Variants in CNTNAP2 observed in about 807,000 individuals in gnomAD.
CNTNAP2 encodes the protein contactin-associated protein-like 2.
CNTNAP2 carries 98 observed loss-of-function variants against 155.2 expected under a neutral mutation model. The observed-to-expected ratio is 0.63, with a 90% CI of 0.54 to 0.75. CNTNAP2 has a LOEUF of 0.75. Among genes scored for constraint, CNTNAP2 ranks in the 30% least tolerant of loss-of-function variants. The probability of loss-of-function intolerance (pLI) is 0.00; values close to 1 mark genes in which losing one functional copy is unlikely to be tolerated. For synonymous variants in CNTNAP2, 651 were observed against 631.2 expected (o/e 1.03, Z -0.47); for missense variants, 1,727 against 1,688.1 (o/e 1.02, Z -0.40).
chr7:147,681,219 T>A (rs924972394), intron 13 of CNTNAP2, among the ~76,000 whole-genome samples: 17 of 152,006 alleles, frequency 1.1e-4, no homozygotes, highest in African/African-American at 4.1e-4. Flanking sequence ...AAGCTTACTG[T>A]AAACACTGTG....
intron 3 of CNTNAP2, among the ~76,000 whole-genome samples, chr7:146,919,546 G>A (rs1173949527): frequency 6.6e-6 from 1 of 152,162 alleles, no homozygotes; most frequent in Admixed American, 6.5e-5. Flanking sequence ...TCCATCTTCG[G>A]GTCTTTCAGC....
chr7:147,022,195 A>G (rs1269042848), intron 3 of CNTNAP2, among the ~76,000 whole-genome samples: 1 of 151,874 alleles, frequency 6.6e-6, no homozygotes, highest in Non-Finnish European at 1.5e-5. Context: ...TTCCCATTTT[A>G]TTTCTTTGGT....
At chr7:147,237,448 A>G (rs1027316478) in intron 8 of CNTNAP2, among the ~76,000 whole-genome samples, 6 of 152,274 alleles carry the variant, frequency 3.9e-5, no homozygotes, top group Admixed American at 2.0e-4. Context: ...ATATTTCTGC[A>G]CATGCCCAGG....
chr7:146,449,902 A>G (rs1279028722), intron 1 of CNTNAP2, among the ~76,000 whole-genome samples: 1 of 152,154 alleles, frequency 6.6e-6, no homozygotes, highest in Non-Finnish European at 1.5e-5. Context: ...AATGAAGATT[A>G]TTTTTATTAG....
At chr7:147,010,924 ACC>A in intron 3 of CNTNAP2, among the ~76,000 whole-genome samples, 1 of 152,094 alleles carries the variant, frequency 6.6e-6, no homozygotes. Flanking sequence ...AAGAAATGGT[ACC>A]TTCCACAGTA....
intron 1 of CNTNAP2, among the ~76,000 whole-genome samples, chr7:146,666,157 C>A (rs1800191088): frequency 1.3e-5 from 2 of 151,978 alleles, no homozygotes; most frequent in Admixed American, 1.3e-4. Flanking sequence ...TGTTCCCTAC[C>A]CTTTCCAGCC....
chr7:147,683,075 T>G (rs1795970862), intron 13 of CNTNAP2, among the ~76,000 whole-genome samples: 1 of 151,912 alleles, frequency 6.6e-6, no homozygotes, highest in Admixed American at 6.6e-5. Flanking sequence ...TATTGAAAAT[T>G]AATTCAACTG....
At position 147,680,752 on chromosome 7, in the gene CNTNAP2, C is replaced by T. The variant is rs1795936182; in HGVS notation, c.2098+41446C>T. 3.9e-5 allele frequency among the ~76,000 whole-genome samples: 6 copies of T among 151,916 alleles called. No homozygotes were observed. In the South Asian group the frequency reaches 1.2e-3, roughly 32 times the overall value. ...ATGTTCTTGCCATTGCACATGCTCT[C>T]TCTCTCTCTGTCTCCCTCTCTATAT... On this transcript the variant is annotated intron_variant, in intron 13 of 23. Transcript: ENST00000361727.
chr7:147,608,882 G>A (rs1801125639), intron 12 of CNTNAP2, among the ~76,000 whole-genome samples: 1 of 152,120 alleles, frequency 6.6e-6, no homozygotes, highest in African/African-American at 2.4e-5. Context: ...CAGTCAAAGG[G>A]GGTTGTTCTC....
At chr7:146,957,898 C>A (rs1797468294) in intron 3 of CNTNAP2, among the ~76,000 whole-genome samples, 1 of 152,032 alleles carries the variant, frequency 6.6e-6, no homozygotes. Flanking sequence ...AATGATAATT[C>A]TTTATCATTC....
intron 1 of CNTNAP2, among the ~76,000 whole-genome samples, chr7:146,136,599 G>C (rs57919954): frequency 6.6e-6 from 1 of 152,020 alleles, no homozygotes; most frequent in Non-Finnish European, 1.5e-5. Context: ...GTGCTCTCTC[G>C]AGGTTGGATT....
At chr7:146,446,443 A>G (rs190981404) in intron 1 of CNTNAP2, among the ~76,000 whole-genome samples, 1 of 152,260 alleles carries the variant, frequency 6.6e-6, no homozygotes, top group East Asian at 1.9e-4. Flanking sequence ...AAAAGAAATT[A>G]TATTTGCAAC....
At chr7:146,597,040 G>A (rs531880272) in intron 1 of CNTNAP2, among the ~76,000 whole-genome samples, 1 of 151,992 alleles carries the variant, frequency 6.6e-6, no homozygotes, top group African/African-American at 2.4e-5. Context: ...AAATAACCAG[G>A]AAAAAAGGCA....
At chr7:146,387,954 T>G (rs2129106059) in intron 1 of CNTNAP2, among the ~76,000 whole-genome samples, 1 of 152,168 alleles carries the variant, frequency 6.6e-6, no homozygotes, top group African/African-American at 2.4e-5. Flanking sequence ...GTCATCTTAT[T>G]TTTAAGATGA....
In CNTNAP2 at chr7:148,258,225, G is replaced by A. The variant is rs373492142; in HGVS notation, c.3382-8808G>A. Reference sequence around the variant, plus strand: ...GCGTGTGTTATGCCACGCTCCTGGGGCAGGAGTGGTAACTGAGGCAGCGTC... The same window carrying A: ...GCGTGTGTTATGCCACGCTCCTGGGACAGGAGTGGTAACTGAGGCAGCGTC... On this transcript the variant is annotated intron_variant, in intron 20 of 23. Coordinates refer to ENST00000361727, the MANE Select transcript of CNTNAP2 (RefSeq NM_014141.6). 3.9e-5 allele frequency among the ~76,000 whole-genome samples: 6 copies of A among 152,310 alleles called. No homozygotes were observed. In the East Asian group the frequency reaches 7.7e-4, roughly 20 times the overall value.
chr7:148,338,478 C>G (rs530910855), intron 21 of CNTNAP2, among the ~76,000 whole-genome samples: 3 of 152,114 alleles, frequency 2.0e-5, no homozygotes, highest in East Asian at 1.9e-4. Context: ...TTCCCTCCCC[C>G]CACCCCGACC....
intron 7 of CNTNAP2, among the ~76,000 whole-genome samples, chr7:147,130,517 A>G (rs1214051578): frequency 6.6e-6 from 1 of 152,146 alleles, no homozygotes; most frequent in African/African-American, 2.4e-5. Context: ...ATGCTCTATA[A>G]TTACATTTTA....
At chr7:146,970,700 C>T (rs1395959161) in intron 3 of CNTNAP2, among the ~76,000 whole-genome samples, 1 of 152,070 alleles carries the variant, frequency 6.6e-6, no homozygotes, top group Non-Finnish European at 1.5e-5. Flanking sequence ...ACCCAGCCAT[C>T]CTATTACTGG....
chr7:146,237,092 C>A (rs1395354721), intron 1 of CNTNAP2, among the ~76,000 whole-genome samples: 3 of 152,162 alleles, frequency 2.0e-5, no homozygotes, highest in Non-Finnish European at 2.9e-5. Context: ...CAATTTGATG[C>A]CCTTAGGATG....
Sources: allele counts gnomAD v4.1 joint callset (sites outside exome capture counted in the v4.1 genomes callset), GRCh38; gene constraint gnomAD v4.1.1; transcripts MANE v1.5; gene names NCBI Gene and HGNC (gene_info 2026-07-23, HGNC 2026-07-21).